BMP6: variants seen among roughly 807,000 people sequenced by gnomAD.
BMP6 encodes the protein bone morphogenetic protein 6.
A neutral mutation model predicts 54.1 loss-of-function variants in BMP6; 17 were observed. The observed-to-expected ratio is 0.31, with a 90% confidence interval of 0.22 to 0.47. BMP6 has a LOEUF of 0.47. Ranked by LOEUF, BMP6 falls within the 20% of genes least tolerant of loss-of-function variation. BMP6 has a pLI of 1.00. For synonymous variants in BMP6, 328 were observed against 291.2 expected, an observed-to-expected ratio of 1.13 and a Z score of -1.28; for missense variants, 720 against 690.4, an observed-to-expected ratio of 1.04 and a Z score of -0.48.
chr6:7,779,330 AT>A (rs142502560), intron 1 of BMP6, among the ~76,000 whole-genome samples: 8,273 of 149,476 alleles, frequency 0.055, 249 homozygotes, highest in Middle Eastern at 0.083. Context: ...AAACTTATTT[AT>A]TTTTTTTTTT....
intron 1 of BMP6, among the ~76,000 whole-genome samples, chr6:7,843,119 A>G (rs1308292066): frequency 6.6e-6 from 1 of 152,210 alleles, no homozygotes; most frequent in Admixed American, 6.5e-5. Flanking sequence ...GAACTTCCCA[A>G]CAATATTGCT....
chr6:7,871,792 C>A (rs1759529452), intron 4 of BMP6, among the ~76,000 whole-genome samples: 1 of 152,216 alleles, frequency 6.6e-6, no homozygotes, highest in Admixed American at 6.5e-5. Flanking sequence ...AGTAGCGCTA[C>A]CTGTGTGTGA....
intron 2 of BMP6, among the ~76,000 whole-genome samples, chr6:7,857,680 T>G (rs1323561273): frequency 6.6e-6 from 1 of 152,212 alleles, no homozygotes; most frequent in Non-Finnish European, 1.5e-5. Flanking sequence ...ATCAGATGCA[T>G]CTTCTTCGAG....
At position 7,726,267 on chromosome 6, in the gene BMP6, C is replaced by T. The variant is rs969161676; in HGVS notation, c.-689C>T. Among the ~76,000 whole-genome samples, 3 of 152,220 alleles carry T rather than the reference C, an allele frequency of 2.0e-5. No individual in the cohort carries two copies. The highest frequency in any genetic ancestry group is 7.2e-5 in the African/African-American group (3 of 41,462). ...GCGACCGCCGAACGGAAAGCAAGATCCTCGCCGCCTCCGCTTGAGGAGGCG... is the reference window on the plus strand; with the variant it reads ...GCGACCGCCGAACGGAAAGCAAGATTCTCGCCGCCTCCGCTTGAGGAGGCG... On this transcript the variant is annotated 5_prime_UTR_variant, in exon 1 of 7. Coordinates refer to ENST00000283147, the MANE Select transcript of BMP6 (RefSeq NM_001718.6).
At chr6:7,810,021 T>C (rs1758413492) in intron 1 of BMP6, among the ~76,000 whole-genome samples, 1 of 152,196 alleles carries the variant, frequency 6.6e-6, no homozygotes, top group Admixed American at 6.5e-5. Flanking sequence ...TAGCTCAAAG[T>C]TTTCAAACCA....
rs1472857701 is a variant in BMP6, at chr6:7,861,542, T to G, written c.949T>G (p.Trp317Gly). The G allele has an allele frequency of 2.5e-6, 4 of 1,614,070 alleles. No individual in the cohort carries two copies. Among genetic ancestry groups the G allele is most frequent in the Non-Finnish European group, 3.4e-6 (4 of 1,180,048 alleles). Residue 317 changes from tryptophan to glycine, a missense_variant, in exon 3 of 7, where the codon TGG becomes GGG. Around this residue, in one of 3 missense-constraint regions of BMP6, gnomAD observed 650 missense variants for 556.3 expected, o/e 1.17. Transcript: ENST00000283147. The part of the protein sequence containing the change: ...EFDITATSNL[W>G]VVTPQHNMGL... ...TGACATCACGGCCACTAGCAATCTG[T>G]GGGTTGTGACTCCACAGCATAACAT...
At chr6:7,822,400 G>A (rs1028993787) in intron 1 of BMP6, among the ~76,000 whole-genome samples, 1 of 152,148 alleles carries the variant, frequency 6.6e-6, no homozygotes. Flanking sequence ...TGTCATCTTT[G>A]TGCAGTTGCC....
intron 1 of BMP6, among the ~76,000 whole-genome samples, chr6:7,785,776 C>T (rs962515258): frequency 2.0e-5 from 3 of 152,194 alleles, no homozygotes; most frequent in African/African-American, 7.2e-5. Flanking sequence ...CGAATCTCCA[C>T]ACACTGAGAT....
chr6:7,774,760 T>C (rs1328467608), intron 1 of BMP6, among the ~76,000 whole-genome samples: 1 of 152,254 alleles, frequency 6.6e-6, no homozygotes, highest in East Asian at 1.9e-4. Flanking sequence ...TCCTTCCTTA[T>C]TGAAACAAAC....
intron 1 of BMP6, among the ~76,000 whole-genome samples, chr6:7,832,385 C>T (rs1291733445): frequency 6.6e-6 from 1 of 152,152 alleles, no homozygotes; most frequent in African/African-American, 2.4e-5. Flanking sequence ...CAGAGAGCTG[C>T]CTCACTGCTT....
chr6:7,735,818 A>G (rs895323315), intron 1 of BMP6, among the ~76,000 whole-genome samples: 5 of 152,224 alleles, frequency 3.3e-5, no homozygotes, highest in Admixed American at 1.3e-4. Context: ...GATTTGGACA[A>G]ATGTGTAATG....
chr6:7,860,689 C>T (rs1346135767), intron 2 of BMP6, among the ~76,000 whole-genome samples: 1 of 152,200 alleles, frequency 6.6e-6, no homozygotes, highest in Non-Finnish European at 1.5e-5. Flanking sequence ...TCAGCATCCA[C>T]CCTCGGCTAC....
At chr6:7,743,599 A>G (rs9505271) in intron 1 of BMP6, among the ~76,000 whole-genome samples, 105,201 of 152,074 alleles carry the variant, frequency 0.69, 37,216 homozygotes, top group Admixed American at 0.77. Flanking sequence ...CTCTCATTGA[A>G]CGTGATGTTT....
In BMP6 at chr6:7,879,141, G is replaced by A. The variant is rs764848513; in HGVS notation, c.1272G>A (p.Leu424=). The A allele has an allele frequency of 1.2e-6, 2 of 1,613,880 alleles. No homozygotes were observed. The highest frequency in any genetic ancestry group is 8.5e-7 in the Non-Finnish European group (1 of 1,179,838). ...KHELYVSFQD[L]GWQDWIIAPK... ...AGCTGTATGTGAGTTTCCAAGACCT[G>A]GGATGGCAGGTGAGTTCTCTGGACA... Residue 424 remains leucine, a synonymous_variant, in exon 5 of 7, where the codon CTG becomes CTA. Coordinates refer to ENST00000283147, the MANE Select transcript of BMP6 (RefSeq NM_001718.6).
At chr6:7,730,298 G>C (rs886070854) in intron 1 of BMP6, among the ~76,000 whole-genome samples, 1 of 152,060 alleles carries the variant, frequency 6.6e-6, no homozygotes, top group Non-Finnish European at 1.5e-5. Context: ...TTTTCGTAAA[G>C]GATTTTGAAA....
chr6:7,782,481 C>T (rs1757961893), intron 1 of BMP6, among the ~76,000 whole-genome samples: 3 of 152,018 alleles, frequency 2.0e-5, no homozygotes, highest in Non-Finnish European at 4.4e-5. Flanking sequence ...AAGGCTGAGG[C>T]GGGCAGATTA....
intron 1 of BMP6, among the ~76,000 whole-genome samples, chr6:7,762,608 T>G (rs964103606): frequency 6.6e-6 from 1 of 152,210 alleles, no homozygotes; most frequent in Non-Finnish European, 1.5e-5. Context: ...TATAGAAATA[T>G]AAGCTTCATC....
Position 7,845,320 on chromosome 6 carries a change from A to G in BMP6, c.845A>G (p.Glu282Gly). Residue 282 changes from glutamate to glycine, a missense_variant, in exon 2 of 7, where the codon GAG becomes GGG. Glu to Gly is a moderately conservative substitution (Grantham distance 98). Transcript: ENST00000283147. ...ATCAGCATTTATCAAGTCTTACAGG[A>G]GCATCAGCACAGGTATGAAGGCTCG... ...FLISIYQVLQEHQHRDSDLFL... is the reference protein window; with the variant it reads ...FLISIYQVLQGHQHRDSDLFL... The G allele has an allele frequency of 6.2e-7, 1 of 1,613,932 alleles. No individual in the cohort carries two copies. Among genetic ancestry groups the G allele is most frequent in the Non-Finnish European group, 8.5e-7 (1 of 1,179,868 alleles).
intron 1 of BMP6, among the ~76,000 whole-genome samples, chr6:7,759,696 C>CTTTTTTTTTTTTTTT (rs71542880): frequency 1.9e-4 from 12 of 62,148 alleles, no homozygotes; most frequent in African/African-American, 3.0e-4. Context: ...CTTTCTTCTT[C>CTTTTTTTTTTTTTTT]TTTTTTTTTT....
Sources: gnomAD v4.1 joint callset for allele counts (sites outside exome capture counted in the v4.1 genomes callset) on GRCh38, gnomAD v4.1.1 for gene constraint, gnomAD v4.1.1 regional missense constraint, MANE v1.5 for transcripts, NCBI Gene and HGNC (gene_info 2026-07-23, HGNC 2026-07-21) for gene names.